The following GRIK1 variants were observed in gnomAD, a reference collection of about 807,000 sequenced individuals.
GRIK1 encodes glutamate ionotropic receptor kainate type subunit 1, also known as glutamate receptor ionotropic, kainate 1.
GRIK1 carries 69 observed loss-of-function variants against 105.7 expected under a neutral mutation model. The observed-to-expected ratio is 0.65, with a 90% confidence interval of 0.54 to 0.80. The LOEUF is 0.80. GRIK1 is among the 30% of genes least tolerant of loss of function. The pLI is 0.00. For synonymous variants in GRIK1, 438 were observed against 431.3 expected, an observed-to-expected ratio of 1.02 and a Z score of -0.19; for missense variants, 1,109 against 1,167.3, an observed-to-expected ratio of 0.95 and a Z score of 0.73.
intron 1 of GRIK1, among the ~76,000 whole-genome samples, chr21:29,745,152 T>C (rs1194697257): frequency 6.6e-6 from 1 of 152,168 alleles, no homozygotes; most frequent in African/African-American, 2.4e-5. Flanking sequence ...TACCCTTTGA[T>C]AAAACAAGAG....
Position 29,673,116 on chromosome 21 carries a change from A to G in GRIK1, c.593T>C (p.Ile198Thr). The G allele has an allele frequency of 6.2e-7, 1 of 1,612,888 alleles. No homozygotes were observed. The highest frequency in any genetic ancestry group is 1.1e-5 in the South Asian group (1 of 91,028). The change falls in exon 4 of 18, where the codon ATT becomes ACT. Residue 198 changes from isoleucine to threonine, a missense_variant. Ile to Thr is a moderately conservative substitution (Grantham distance 89). This residue lies in a region of GRIK1 where 612 missense variants were observed against 586.0 expected (regional missense o/e 1.04). Transcript: ENST00000327783. ...GGGCAGCTGGCGGATTTTGATTTTA[A>G]TATTATATCTGGAGGGAGCTTTGAT... ...ELIKAPSRYN[I>T]KIKIRQLPSG...
chr21:29,635,997 C>G (rs1199106704), intron 7 of GRIK1, among the ~76,000 whole-genome samples: 2 of 152,140 alleles, frequency 1.3e-5, no homozygotes, highest in African/African-American at 2.4e-5. Flanking sequence ...CCAGGCCTAC[C>G]AGGGACACCA....
At chr21:29,639,132 G>A (rs1157279216) in intron 7 of GRIK1, among the ~76,000 whole-genome samples, 1 of 152,194 alleles carries the variant, frequency 6.6e-6, no homozygotes, top group Admixed American at 6.5e-5. Context: ...TTATTGAATT[G>A]TTTCTGGATA....
intron 1 of GRIK1, among the ~76,000 whole-genome samples, chr21:29,736,944 G>T (rs752113993): frequency 6.6e-5 from 10 of 152,232 alleles, no homozygotes; most frequent in Non-Finnish European, 1.0e-4. Flanking sequence ...CTCCCAGAGT[G>T]CTGGGATTAC....
chr21:29,773,432 A>G (rs985597010), intron 1 of GRIK1, among the ~76,000 whole-genome samples: 1 of 152,066 alleles, frequency 6.6e-6, no homozygotes, highest in Non-Finnish European at 1.5e-5. Context: ...GGTATTTCCA[A>G]GTTTTCTGCT....
intron 1 of GRIK1, among the ~76,000 whole-genome samples, chr21:29,782,491 G>A (rs1210821454): frequency 6.6e-6 from 1 of 152,134 alleles, no homozygotes; most frequent in African/African-American, 2.4e-5. Flanking sequence ...TTTTCAGAAG[G>A]GCAAGGGGTG....
chr21:29,571,105 G>A (rs113210080), intron 14 of GRIK1, among the ~76,000 whole-genome samples: 9,725 of 151,990 alleles, frequency 0.064, 569 homozygotes, highest in African/African-American at 0.16. Flanking sequence ...TAATACCAGC[G>A]CTTTGGGAGG....
chr21:29,548,105 A>G (rs2090075276), intron 16 of GRIK1, among the ~76,000 whole-genome samples: 1 of 152,222 alleles, frequency 6.6e-6, no homozygotes, highest in Non-Finnish European at 1.5e-5. Flanking sequence ...GCTAGGGGGA[A>G]ATACAGTAAC....
intron 1 of GRIK1, among the ~76,000 whole-genome samples, chr21:29,737,600 GT>G (rs894039866): frequency 3.9e-5 from 6 of 152,198 alleles, no homozygotes; most frequent in African/African-American, 1.4e-4. Context: ...TTTTAGTTGG[GT>G]TTTTAGCTTT....
intron 15 of GRIK1, among the ~76,000 whole-genome samples, chr21:29,558,497 AT>A (rs1457839958): frequency 6.6e-6 from 1 of 151,754 alleles, no homozygotes; most frequent in African/African-American, 2.4e-5. Flanking sequence ...CAATGGATGT[AT>A]TCTCCATGAG....
intron 1 of GRIK1, among the ~76,000 whole-genome samples, chr21:29,784,746 A>G (rs1166676796): frequency 6.6e-6 from 1 of 152,228 alleles, no homozygotes; most frequent in Non-Finnish European, 1.5e-5. Flanking sequence ...TAATGCCTTA[A>G]ATGTTTGAAA....
chr21:29,655,759 C>A (rs1452548430), intron 4 of GRIK1, among the ~76,000 whole-genome samples: 1 of 152,102 alleles, frequency 6.6e-6, no homozygotes, highest in Non-Finnish European at 1.5e-5. Context: ...CACACTGTTT[C>A]TTCATGCTGG....
At chr21:29,794,835 G>A (rs2066513164) in intron 1 of GRIK1, among the ~76,000 whole-genome samples, 1 of 151,944 alleles carries the variant, frequency 6.6e-6, no homozygotes, top group Non-Finnish European at 1.5e-5. Context: ...GACAACTAGT[G>A]AAAGAGGCTT....
intron 7 of GRIK1, among the ~76,000 whole-genome samples, chr21:29,621,801 A>G (rs2832414): frequency 0.21 from 32,377 of 152,128 alleles, 4,647 homozygotes; most frequent in African/African-American, 0.4. Flanking sequence ...CAGTATAGAT[A>G]CAACATCCAC....
At chr21:29,658,541 C>G (rs1174902151) in intron 4 of GRIK1, among the ~76,000 whole-genome samples, 2 of 152,186 alleles carry the variant, frequency 1.3e-5, no homozygotes, top group East Asian at 1.9e-4. Flanking sequence ...GGATCACAGG[C>G]GTGAGCCACT....
chr21:29,800,653 C>T (rs2066681048), intron 1 of GRIK1, among the ~76,000 whole-genome samples: 1 of 152,230 alleles, frequency 6.6e-6, no homozygotes, highest in African/African-American at 2.4e-5. Flanking sequence ...AACAAACCAA[C>T]CCGTTCACGC....
At chr21:29,917,640 G>A (rs2071041747) in intron 1 of GRIK1, among the ~76,000 whole-genome samples, 1 of 151,872 alleles carries the variant, frequency 6.6e-6, no homozygotes, top group African/African-American at 2.4e-5. Flanking sequence ...TCATTGTTGA[G>A]GACAGTGGTC....
chr21:29,581,328 T>C (rs2091018834), intron 13 of GRIK1, 97 bp downstream of exon 13: 4 of 758,820 alleles, frequency 5.3e-6, no homozygotes, highest in Non-Finnish European at 9.3e-6. Flanking sequence ...GAGATGGTGT[T>C]TCATCCTACC....
intron 14 of GRIK1, among the ~76,000 whole-genome samples, chr21:29,568,743 A>G (rs562359749): frequency 5.6e-4 from 85 of 152,326 alleles, no homozygotes; most frequent in African/African-American, 2.0e-3. Flanking sequence ...CAATGCAACC[A>G]CATGTTGTGT....
Sources: gnomAD v4.1 joint callset for allele counts (sites outside exome capture counted in the v4.1 genomes callset) on GRCh38, gnomAD v4.1.1 for gene constraint, gnomAD v4.1.1 regional missense constraint, MANE v1.5 for transcripts, NCBI Gene and HGNC (gene_info 2026-07-23, HGNC 2026-07-21) for gene names.